ZNF385B: variants seen among roughly 807,000 people sequenced by gnomAD.
ZNF385B encodes the protein zinc finger protein 533.
A neutral mutation model predicts 39.2 loss-of-function variants in ZNF385B; 23 were observed. The observed-to-expected ratio is 0.59, with a 90% CI of 0.42 to 0.83. The LOEUF (loss-of-function observed/expected upper bound fraction) is 0.83, where lower values mean the gene tolerates loss of function less well. ZNF385B is among the 40% of genes least tolerant of loss of function. The pLI, the probability that ZNF385B is intolerant of heterozygous loss-of-function variation, is 0.00. For missense variants in ZNF385B, 552 were observed against 598.9 expected, an observed-to-expected ratio of 0.92 and a Z score of 0.82; for synonymous variants, 205 against 222.6, an observed-to-expected ratio of 0.92 and a Z score of 0.70.
At chr2:179,502,192 C>T (rs2203736) in intron 5 of ZNF385B, among the ~76,000 whole-genome samples, 123,441 of 152,156 alleles carry the variant, frequency 0.81, 50,661 homozygotes, top group South Asian at 0.92. Context: ...GACAGGCTTA[C>T]AGGTGGAAGG....
chr2:179,493,649 GTATACATATATGTATATGCATATGCA>G (rs1301174229), intron 5 of ZNF385B, among the ~76,000 whole-genome samples: 1 of 105,114 alleles, frequency 9.5e-6, no homozygotes, highest in East Asian at 3.5e-4. Context: ...ACACATATGC[GTATACATATATGTATATGCATATGCA>G]TATACATATA....
At chr2:179,475,965 C>A (rs2053397163) in intron 6 of ZNF385B, among the ~76,000 whole-genome samples, 1 of 137,248 alleles carries the variant, frequency 7.3e-6, no homozygotes, top group African/African-American at 2.8e-5. Context: ...TGCAGTGAGC[C>A]AAGATCATGC....
intron 1 of ZNF385B, among the ~76,000 whole-genome samples, chr2:179,856,509 G>A (rs1422178555): frequency 6.6e-6 from 1 of 151,822 alleles, no homozygotes; most frequent in East Asian, 1.9e-4. Flanking sequence ...AGTCTCCTGC[G>A]CCCTATTTCA....
intron 3 of ZNF385B, among the ~76,000 whole-genome samples, chr2:179,638,055 T>C (rs956367341): frequency 6.6e-6 from 1 of 152,150 alleles, no homozygotes; most frequent in African/African-American, 2.4e-5. Context: ...TCAACAACGT[T>C]GGAAAAAATT....
At chr2:179,720,554 A>G in intron 3 of ZNF385B, among the ~76,000 whole-genome samples, 1 of 142,312 alleles carries the variant, frequency 7.0e-6, no homozygotes, top group Admixed American at 7.2e-5. Flanking sequence ...CAAGGGGAGG[A>G]GAGGGAGGGA....
intron 3 of ZNF385B, among the ~76,000 whole-genome samples, chr2:179,562,022 A>G (rs73976413): frequency 0.16 from 24,538 of 152,206 alleles, 2,077 homozygotes; most frequent in African/African-American, 0.2. Flanking sequence ...ATACTTTCTG[A>G]AAAGAAGATA....
intron 4 of ZNF385B, among the ~76,000 whole-genome samples, chr2:179,537,577 C>T (rs547125655): frequency 6.6e-6 from 1 of 151,656 alleles, no homozygotes; most frequent in East Asian, 2.0e-4. Context: ...CTGTCTCTAC[C>T]AAAAAATACA....
intron 5 of ZNF385B, among the ~76,000 whole-genome samples, chr2:179,509,058 T>C (rs1368023094): frequency 1.3e-5 from 2 of 151,884 alleles, no homozygotes; most frequent in Non-Finnish European, 2.9e-5. Context: ...GCCATTCTCC[T>C]GCCTCAGCCT....
At chr2:179,653,446 C>T (rs1044411627) in intron 3 of ZNF385B, among the ~76,000 whole-genome samples, 3 of 152,178 alleles carry the variant, frequency 2.0e-5, no homozygotes, top group Non-Finnish European at 2.9e-5. Context: ...TAGGCAACTC[C>T]ATTACCTCCC....
intron 3 of ZNF385B, among the ~76,000 whole-genome samples, chr2:179,728,941 C>G (rs1202005531): frequency 6.6e-6 from 1 of 151,886 alleles, no homozygotes; most frequent in Non-Finnish European, 1.5e-5. Context: ...TTAAATCCAA[C>G]TCCCAAAGTA....
chr2:179,648,548 G>A (rs1162305057), intron 3 of ZNF385B, among the ~76,000 whole-genome samples: 1 of 152,062 alleles, frequency 6.6e-6, no homozygotes, highest in East Asian at 1.9e-4. Context: ...TTTGAGAGCA[G>A]CAACACCCCC....
intron 3 of ZNF385B, among the ~76,000 whole-genome samples, chr2:179,645,143 T>G (rs1254890442): frequency 1.3e-5 from 2 of 152,210 alleles, no homozygotes; most frequent in Non-Finnish European, 2.9e-5. Flanking sequence ...AATTACCACT[T>G]TATTAGACTT....
intron 3 of ZNF385B, among the ~76,000 whole-genome samples, chr2:179,692,258 C>A (rs1698414833): frequency 6.6e-6 from 1 of 152,098 alleles, no homozygotes; most frequent in African/African-American, 2.4e-5. Context: ...ATTTTGTGCA[C>A]ATAATTTAGC....
intron 3 of ZNF385B, among the ~76,000 whole-genome samples, chr2:179,570,283 A>C (rs1685063815): frequency 6.6e-6 from 1 of 152,114 alleles, no homozygotes; most frequent in Non-Finnish European, 1.5e-5. Context: ...TCTCAACATG[A>C]AGCTGGTTCC....
intron 3 of ZNF385B, among the ~76,000 whole-genome samples, chr2:179,692,851 T>C (rs1698456591): frequency 6.6e-6 from 1 of 152,156 alleles, no homozygotes; most frequent in Admixed American, 6.5e-5. Context: ...GCCCCTTCTG[T>C]TCACAGGAGC....
chr2:179,718,763 T>C (rs1700491680), intron 3 of ZNF385B, among the ~76,000 whole-genome samples: 1 of 150,192 alleles, frequency 6.7e-6, no homozygotes, highest in South Asian at 2.1e-4. Flanking sequence ...AGCACTTTGG[T>C]AGACCTAGAG....
At chr2:179,445,077 C>T in intron 8 of ZNF385B, 100 bp from the exon 9 acceptor site, 2 of 975,610 alleles carry the variant, frequency 2.0e-6, no homozygotes, top group Non-Finnish European at 3.3e-6. Context: ...ACTCTAGGTC[C>T]ATAGTTCCAC....
intron 3 of ZNF385B, among the ~76,000 whole-genome samples, chr2:179,709,553 T>G (rs1439839713): frequency 6.6e-6 from 1 of 152,208 alleles, no homozygotes; most frequent in Non-Finnish European, 1.5e-5. Flanking sequence ...GCAGATGAGC[T>G]AGCCTGCATA....
rs770219234 is a variant in ZNF385B, at chr2:179,524,551, C to CAAAAAA, written c.442-5919_442-5914dup. Among the ~76,000 whole-genome samples the CAAAAAA allele has an allele frequency of 2.1e-4, 13 of 60,992 alleles. 1 individual carries two copies. The highest frequency in any genetic ancestry group is 1.0e-3 in the African/African-American group (13 of 12,898). The allele number at this position is 60,992 out of a possible 152,430, so 40.0% of individuals were successfully genotyped here. A position where few individuals can be genotyped will look rare whatever the true frequency, so the allele number is the denominator to read the frequency against. ...TGGGTGACAGAGCGAGACTCCGTCT[C>CAAAAAA]AAAAAAAAAAAAAAAAAAAAAAAAA... is the stretch of plus-strand genomic sequence containing the variant. On this transcript the variant is annotated intron_variant, in intron 4 of 9. Transcript: ENST00000410066.
Sources: gnomAD v4.1 joint callset for allele counts (sites outside exome capture counted in the v4.1 genomes callset) on GRCh38, gnomAD v4.1.1 for gene constraint, MANE v1.5 for transcripts, NCBI Gene and HGNC (gene_info 2026-07-23, HGNC 2026-07-21) for gene names.